PPP1R9A: variants seen among roughly 807,000 people sequenced by gnomAD.
PPP1R9A encodes neurabin-1.
PPP1R9A carries 59 observed loss-of-function variants against 141.9 expected under a neutral mutation model. That is an observed-to-expected ratio of 0.42 (90% CI 0.34 to 0.52). The LOEUF (loss-of-function observed/expected upper bound fraction) is 0.52, where lower values mean the gene tolerates loss of function less well. Ranked by LOEUF, PPP1R9A falls within the 20% of genes least tolerant of loss-of-function variation. The probability of loss-of-function intolerance (pLI) is 0.10; values close to 1 mark genes in which losing one functional copy is unlikely to be tolerated. For missense variants in PPP1R9A, 1,444 were observed against 1,611.9 expected (o/e 0.90, Z 1.78); for synonymous variants, 500 against 569.7 (o/e 0.88, Z 1.74).
intron 2 of PPP1R9A, among the ~76,000 whole-genome samples, chr7:95,003,051 C>A (rs1803155756): frequency 6.6e-6 from 1 of 151,956 alleles, no homozygotes; most frequent in Admixed American, 6.6e-5. Context: ...AAGGATAAGT[C>A]TTAAAGTATG....
chr7:95,127,985 G>A (rs943741555), intron 4 of PPP1R9A, among the ~76,000 whole-genome samples: 2 of 152,180 alleles, frequency 1.3e-5, no homozygotes, highest in Non-Finnish European at 2.9e-5. Context: ...GAACATGTAA[G>A]TGCATGTGTC....
intron 2 of PPP1R9A, among the ~76,000 whole-genome samples, chr7:95,001,657 G>T (rs867616527): frequency 6.6e-6 from 1 of 152,060 alleles, no homozygotes; most frequent in South Asian, 2.1e-4. Context: ...AATCCAACCA[G>T]TTATTTTTCA....
At chr7:95,243,795 C>T (rs865987523) in intron 8 of PPP1R9A, among the ~76,000 whole-genome samples, 1 of 151,968 alleles carries the variant, frequency 6.6e-6, no homozygotes, top group African/African-American at 2.4e-5. Context: ...CTGCCTCCCC[C>T]AGTCATTTGC....
intron 2 of PPP1R9A, among the ~76,000 whole-genome samples, chr7:94,943,139 A>C (rs960201262): frequency 7.9e-5 from 12 of 152,174 alleles, no homozygotes; most frequent in Non-Finnish European, 1.5e-4. Flanking sequence ...AGTTGTTTCA[A>C]GGTTACTAAA....
intron 8 of PPP1R9A, 133 bp downstream of exon 8, chr7:95,226,249 C>G: frequency 1.1e-6 from 1 of 877,914 alleles, no homozygotes; most frequent in Non-Finnish European, 1.6e-6. Flanking sequence ...TCTTGAGTCT[C>G]ATTGAATTTC....
chr7:95,082,166 C>T (rs57202772), intron 2 of PPP1R9A, among the ~76,000 whole-genome samples: 6,954 of 152,214 alleles, frequency 0.046, 636 homozygotes, highest in East Asian at 0.4. Context: ...ACTTGCTTTA[C>T]GTTTCTGCTG....
intron 2 of PPP1R9A, among the ~76,000 whole-genome samples, chr7:95,089,897 T>A (rs1022075254): frequency 9.2e-5 from 14 of 152,008 alleles, no homozygotes; most frequent in Non-Finnish European, 1.9e-4. Context: ...AAAGCCATTG[T>A]GAACTAAGCT....
chr7:95,082,996 C>T (rs180824265), intron 2 of PPP1R9A, among the ~76,000 whole-genome samples: 3 of 151,786 alleles, frequency 2.0e-5, no homozygotes, highest in Admixed American at 2.0e-4. Context: ...ACCTCATGAT[C>T]CGCCCACCTC....
chr7:94,983,275 C>G (rs1007944554), intron 2 of PPP1R9A, among the ~76,000 whole-genome samples: 2 of 152,132 alleles, frequency 1.3e-5, no homozygotes, highest in Non-Finnish European at 2.9e-5. Context: ...ATGCCTCCAG[C>G]ATTGTTCTTT....
At chr7:94,944,765 G>A (rs999162666) in intron 2 of PPP1R9A, among the ~76,000 whole-genome samples, 2 of 152,002 alleles carry the variant, frequency 1.3e-5, no homozygotes, top group Non-Finnish European at 2.9e-5. Flanking sequence ...AGGTACTTCT[G>A]AAAAGAAGAT....
At chr7:95,193,625 G>A (rs887747211) in intron 5 of PPP1R9A, among the ~76,000 whole-genome samples, 2 of 151,836 alleles carry the variant, frequency 1.3e-5, no homozygotes, top group Non-Finnish European at 2.9e-5. Context: ...TTGAGGATAG[G>A]AAGAAATTTG....
chr7:95,167,693 C>G (rs924874279), intron 5 of PPP1R9A, among the ~76,000 whole-genome samples: 3 of 152,018 alleles, frequency 2.0e-5, no homozygotes, highest in African/African-American at 7.2e-5. Flanking sequence ...AAAACAAATT[C>G]AGTAAAGTTA....
chr7:95,023,586 C>T (rs1806332972), intron 2 of PPP1R9A, among the ~76,000 whole-genome samples: 1 of 151,946 alleles, frequency 6.6e-6, no homozygotes, highest in East Asian at 1.9e-4. Context: ...TGGAGTCTTG[C>T]TCTGTTGCCC....
At chr7:94,995,070 A>G (rs1303209516) in intron 2 of PPP1R9A, among the ~76,000 whole-genome samples, 1 of 151,828 alleles carries the variant, frequency 6.6e-6, no homozygotes, top group Non-Finnish European at 1.5e-5. Flanking sequence ...GAAAAAAAGT[A>G]TTTTTCTTGC....
At chr7:94,935,587 G>T (rs1794684374) in intron 2 of PPP1R9A, among the ~76,000 whole-genome samples, 1 of 152,154 alleles carries the variant, frequency 6.6e-6, no homozygotes. Context: ...AACACAGTTG[G>T]ATAAAAATTA....
intron 2 of PPP1R9A, among the ~76,000 whole-genome samples, chr7:95,052,888 T>C (rs1584455484): frequency 6.6e-6 from 1 of 152,346 alleles, no homozygotes; most frequent in Non-Finnish European, 1.5e-5. Context: ...ATATCTCTTT[T>C]ACCTCTGCTC....
intron 3 of PPP1R9A, among the ~76,000 whole-genome samples, chr7:95,112,376 A>C (rs960682412): frequency 5.9e-5 from 9 of 152,222 alleles, no homozygotes; most frequent in Admixed American, 5.2e-4. Flanking sequence ...ATCTCACACC[A>C]GTCAGAACAG....
intron 2 of PPP1R9A, among the ~76,000 whole-genome samples, chr7:94,944,378 G>A (rs888587169): frequency 4.0e-5 from 6 of 151,874 alleles, no homozygotes; most frequent in Admixed American, 6.6e-5. Context: ...GTAGTGCTTA[G>A]CACCATGCCC....
At chr7:94,968,349 T>G (rs1293654999) in intron 2 of PPP1R9A, among the ~76,000 whole-genome samples, 5 of 151,986 alleles carry the variant, frequency 3.3e-5, no homozygotes, top group Non-Finnish European at 7.4e-5. Flanking sequence ...ATTTTTTATA[T>G]TTTTAGTAGA....
Sources: gnomAD v4.1 joint callset for allele counts (sites outside exome capture counted in the v4.1 genomes callset) on GRCh38, gnomAD v4.1.1 for gene constraint, MANE v1.5 for transcripts, NCBI Gene and HGNC (gene_info 2026-07-23, HGNC 2026-07-21) for gene names.